Variants in NFIA observed in about 807,000 individuals in gnomAD.
NFIA encodes the protein nuclear factor I A, also known as nuclear factor 1 A-type.
In NFIA, 8 loss-of-function variants were observed where a neutral mutation model predicts 62.8. The observed-to-expected ratio is 0.13, with a 90% confidence interval of 0.07 to 0.23. NFIA has a LOEUF of 0.23. NFIA is among the 10% of genes least tolerant of loss of function. The pLI, the probability that NFIA is intolerant of heterozygous loss-of-function variation, is 1.00. For synonymous variants in NFIA, 235 were observed against 238.1 expected (o/e 0.99, Z 0.12); for missense variants, 410 against 642.1 (o/e 0.64, Z 3.91).
chr1:61,399,344 A>G (rs1482673285), intron 7 of NFIA, among the ~76,000 whole-genome samples: 3 of 152,170 alleles, frequency 2.0e-5, no homozygotes, highest in Non-Finnish European at 2.9e-5. Context: ...AAGGAGGATT[A>G]TATTTTATTG....
intron 2 of NFIA, among the ~76,000 whole-genome samples, chr1:61,175,379 G>T (rs1650270078): frequency 6.6e-6 from 1 of 152,070 alleles, no homozygotes; most frequent in Non-Finnish European, 1.5e-5. Context: ...TGGCCTCAAG[G>T]GATCCACCTG....
At chr1:61,396,592 A>C (rs1665281215) in intron 7 of NFIA, among the ~76,000 whole-genome samples, 5 of 152,168 alleles carry the variant, frequency 3.3e-5, no homozygotes, top group Admixed American at 3.3e-4. Flanking sequence ...TCTGATAAGC[A>C]AACTCCCAAT....
At chr1:61,274,858 G>A (rs1657712310) in intron 2 of NFIA, among the ~76,000 whole-genome samples, 1 of 152,170 alleles carries the variant, frequency 6.6e-6, no homozygotes, top group Non-Finnish European at 1.5e-5. Context: ...ACCAGAAAGA[G>A]TGTCCATGCA....
At chr1:61,333,588 G>A (rs1259417419) in intron 4 of NFIA, among the ~76,000 whole-genome samples, 3 of 152,214 alleles carry the variant, frequency 2.0e-5, no homozygotes, top group East Asian at 3.8e-4. Flanking sequence ...AGGCACTGTC[G>A]TAGGCCTTAG....
intron 10 of NFIA, among the ~76,000 whole-genome samples, chr1:61,448,806 GAAAGGAA>G (rs2100585448): frequency 1.3e-5 from 2 of 152,300 alleles, no homozygotes; most frequent in South Asian, 4.1e-4. Context: ...ATGAAAAATG[GAAAGGAA>G]GGGAGACCAA....
intron 2 of NFIA, among the ~76,000 whole-genome samples, chr1:61,104,829 T>C (rs1038295340): frequency 1.3e-5 from 2 of 152,046 alleles, no homozygotes; most frequent in Admixed American, 1.3e-4. Flanking sequence ...GAAAATATAA[T>C]GCTTTAAAGA....
At chr1:61,289,313 T>A (rs1163160177) in intron 3 of NFIA, among the ~76,000 whole-genome samples, 1 of 152,214 alleles carries the variant, frequency 6.6e-6, no homozygotes, top group Admixed American at 6.5e-5. Context: ...TTTTTATTCA[T>A]GGCCACCAGA....
chr1:61,096,178 C>T lies in NFIA; in HGVS notation c.559+7498C>T, dbSNP rs75618353. Among the ~76,000 whole-genome samples, 2,058 of 152,140 alleles carry T rather than the reference C, an allele frequency of 0.014. 93 individuals are homozygous for T. The East Asian group carries it at 0.18, about 13-fold the overall frequency. On this transcript the variant is annotated intron_variant, in intron 2 of 10. Transcript: ENST00000403491. ...ATTGAAGATGGACATGTTTCAATTTCGTGCCCTTAAATTAGTGAATTAGTG... is the reference window on the plus strand; with the variant it reads ...ATTGAAGATGGACATGTTTCAATTTTGTGCCCTTAAATTAGTGAATTAGTG...
chr1:61,342,796 C>T lies in NFIA; in HGVS notation c.701-9654C>T, dbSNP rs560520356. Among the ~76,000 whole-genome samples, 9 of 152,340 alleles carry T rather than the reference C, an allele frequency of 5.9e-5. No homozygotes were observed. In the South Asian group the frequency reaches 1.9e-3, roughly 32 times the overall value. Reference sequence around the variant, plus strand: ...AACACTAGAAATGTGAATTTCACTCCTGTTTCTTTGAACAGATATCTAGGA... The same window carrying T: ...AACACTAGAAATGTGAATTTCACTCTTGTTTCTTTGAACAGATATCTAGGA... On this transcript the variant is annotated intron_variant, in intron 4 of 10. Transcript: ENST00000403491.
At chr1:61,344,271 T>C (rs1662092150) in intron 4 of NFIA, among the ~76,000 whole-genome samples, 1 of 152,186 alleles carries the variant, frequency 6.6e-6, no homozygotes, top group African/African-American at 2.4e-5. Context: ...TTTCCCATGT[T>C]CAGTCCCTTT....
intron 2 of NFIA, among the ~76,000 whole-genome samples, chr1:61,118,046 A>G (rs1278045906): frequency 1.3e-5 from 2 of 151,978 alleles, no homozygotes; most frequent in Non-Finnish European, 2.9e-5. Context: ...TGAGCCAGGC[A>G]TGGTGGCAGG....
intron 3 of NFIA, among the ~76,000 whole-genome samples, chr1:61,319,716 G>T (rs1167830746): frequency 1.3e-5 from 2 of 151,622 alleles, no homozygotes; most frequent in Non-Finnish European, 2.9e-5. Flanking sequence ...TGAAAATCCT[G>T]AAGATTTGAA....
intron 10 of NFIA, among the ~76,000 whole-genome samples, chr1:61,438,301 C>T (rs1360833317): frequency 6.6e-6 from 1 of 152,152 alleles, no homozygotes; most frequent in African/African-American, 2.4e-5. Context: ...GGATGAAAAG[C>T]CCTCAGCACC....
chr1:61,144,856 A>C (rs187946947), intron 2 of NFIA, among the ~76,000 whole-genome samples: 3 of 152,288 alleles, frequency 2.0e-5, no homozygotes, highest in Admixed American at 6.5e-5. Flanking sequence ...GCAGCTACTT[A>C]ATTCCAACCT....
intron 3 of NFIA, among the ~76,000 whole-genome samples, chr1:61,303,804 T>A (rs944432263): frequency 6.6e-6 from 1 of 152,200 alleles, no homozygotes; most frequent in Non-Finnish European, 1.5e-5. Context: ...ACACTTGAGA[T>A]CCACTGAAGC....
chr1:61,280,387 A>C (rs1165476244), intron 3 of NFIA, among the ~76,000 whole-genome samples: 2 of 152,264 alleles, frequency 1.3e-5, no homozygotes. Flanking sequence ...CTGATTGAAG[A>C]AGTAACAGAC....
chr1:61,092,107 ATTAAT>A (rs1646330855), intron 2 of NFIA, among the ~76,000 whole-genome samples: 1 of 152,312 alleles, frequency 6.6e-6, no homozygotes, highest in South Asian at 2.1e-4. Context: ...AATTAAACAA[ATTAAT>A]TTATGTTTAA....
chr1:61,176,415 G>C (rs1434802534), intron 2 of NFIA, among the ~76,000 whole-genome samples: 1 of 152,114 alleles, frequency 6.6e-6, no homozygotes, highest in Non-Finnish European at 1.5e-5. Flanking sequence ...AGTCCTACCA[G>C]GTTCCCCTTT....
intron 7 of NFIA, among the ~76,000 whole-genome samples, chr1:61,391,796 C>A (rs1040049001): frequency 2.0e-5 from 3 of 152,220 alleles, no homozygotes; most frequent in Non-Finnish European, 4.4e-5. Context: ...CCACAAACTT[C>A]TTTGCCTCTT....
Sources: gnomAD v4.1 joint callset for allele counts (sites outside exome capture counted in the v4.1 genomes callset) on GRCh38, gnomAD v4.1.1 for gene constraint, MANE v1.5 for transcripts, NCBI Gene and HGNC (gene_info 2026-07-23, HGNC 2026-07-21) for gene names.